Variants in BOC observed in about 807,000 individuals in gnomAD.
BOC encodes the protein BOC cell adhesion associated, oncogene regulated.
Under a neutral mutation model 112.0 loss-of-function variants are expected in BOC, and 76 were observed. The observed-to-expected ratio is 0.68, with a 90% CI of 0.56 to 0.82. The LOEUF (loss-of-function observed/expected upper bound fraction) is 0.82, where lower values mean the gene tolerates loss of function less well. Among genes scored for constraint, BOC ranks in the 40% least tolerant of loss-of-function variants. The pLI is 0.00. For missense variants in BOC, 1,309 were observed against 1,511.7 expected, an observed-to-expected ratio of 0.87 and a Z score of 2.22; for synonymous variants, 580 against 599.8, an observed-to-expected ratio of 0.97 and a Z score of 0.48.
intron 2 of BOC, among the ~76,000 whole-genome samples, chr3:113,217,544 AGAGATGG>A (rs1939677921): frequency 6.6e-6 from 1 of 151,612 alleles, no homozygotes; most frequent in African/African-American, 2.4e-5. Flanking sequence ...AAAAAGAAAG[AGAGATGG>A]GAGATGGGAG....
intron 4 of BOC, among the ~76,000 whole-genome samples, chr3:113,263,429 T>A (rs528730394): frequency 6.6e-6 from 1 of 152,230 alleles, no homozygotes; most frequent in Admixed American, 6.5e-5. Context: ...TATTGGTAAC[T>A]CCATGAAGCA....
intron 4 of BOC, among the ~76,000 whole-genome samples, chr3:113,254,978 C>T (rs1351581592): frequency 6.6e-6 from 1 of 152,178 alleles, no homozygotes; most frequent in South Asian, 2.1e-4. Context: ...AAGAGTCTCA[C>T]CTGCACTCTC....
rs147067616 is a variant in BOC at position 113,283,497 on chromosome 3, C to T, written c.2521C>T (p.Pro841Ser). 7.2e-4 allele frequency: 1,160 copies of T among 1,614,102 alleles called. 5 individuals are homozygous for T. Among genetic ancestry groups the T allele is most frequent in the Non-Finnish European group, 4.7e-4 (553 of 1,180,018 alleles). ...GCCCCTTCCTGAAACCATAGAGCGG[C>T]CGGTGGGCACTGGGGCCATGGTGGC... ...QPPLPETIER[P>S]VGTGAMVARS... Residue 841 changes from proline (P) to serine (S), a missense_variant, in exon 16 of 20, where the codon CCG becomes TCG. Physicochemically the swap from Pro to Ser is moderately conservative, Grantham distance 74. Transcript: ENST00000682979.
In BOC at chr3:113,283,455, C is replaced by G; in HGVS notation, c.2479C>G (p.Leu827Val). Residue 827 changes from leucine (L) to valine (V), a missense_variant, in exon 16 of 20, where the codon CTG (leucine) becomes GTG (valine). Leu to Val is a conservative substitution (Grantham distance 32). Transcript: ENST00000682979. The part of the protein sequence containing the change: ...GQPGRLPPPT[L>V]APPQPPLPET... ...GCCTGGTCGACTGCCACCCCCAACT[C>G]TGGCCCCACCACAGCCGCCCCTTCC... is the stretch of plus-strand genomic sequence containing the variant. The G allele has an allele frequency of 6.2e-7, 1 of 1,613,266 alleles. No individual in the cohort carries two copies. The highest frequency in any genetic ancestry group is 8.5e-7 in the Non-Finnish European group (1 of 1,179,268).
chr3:113,214,554 T>G (rs959036493), intron 1 of BOC, among the ~76,000 whole-genome samples: 5 of 152,202 alleles, frequency 3.3e-5, no homozygotes, highest in African/African-American at 4.8e-5. Context: ...ACCAAATAAT[T>G]GCTATCCAAT....
At position 113,286,857 on chromosome 3, in the gene BOC, A is replaced by G. The variant is rs760549801; in HGVS notation, c.3343A>G (p.Ile1115Val). Reference protein sequence around the residue: ...RVSFETPPLTI With the variant: ...RVSFETPPLTV Reference sequence around the variant, plus strand: ...GTCTTTTGAAACACCACCTCTCACAATTTAGGCAGAAGCTGATATCCCAGA... The same window carrying G: ...GTCTTTTGAAACACCACCTCTCACAGTTTAGGCAGAAGCTGATATCCCAGA... Residue 1115 changes from isoleucine to valine, a missense_variant, in exon 20 of 20, where the codon ATT becomes GTT. Physicochemically the swap from Ile to Val is conservative, Grantham distance 29. Coordinates refer to ENST00000682979, the MANE Select transcript of BOC (RefSeq NM_001378074.1). The G allele has an allele frequency of 3.2e-6, 5 of 1,578,082 alleles. No homozygotes were observed. In the East Asian group the frequency reaches 1.1e-4, roughly 36 times the overall value.
intron 2 of BOC, among the ~76,000 whole-genome samples, chr3:113,228,722 A>G (rs954176637): frequency 6.6e-6 from 1 of 152,138 alleles, no homozygotes; most frequent in Admixed American, 6.5e-5. Flanking sequence ...CCTCTGGGTC[A>G]GGGCTGGGTG....
chr3:113,281,299 ACT>A, intron 15 of BOC, 146 bp downstream of exon 15: 1 of 989,386 alleles, frequency 1.0e-6, no homozygotes. Flanking sequence ...GTCATGTTTC[ACT>A]CTCTACTCAT....
chr3:113,280,502 C>A, intron 13 of BOC, 56 bp from the exon 14 acceptor site: 2 of 1,303,934 alleles, frequency 1.5e-6, no homozygotes, highest in Non-Finnish European at 2.2e-6. Context: ...AGTGGTTTTG[C>A]TTTGATGATG....
intron 1 of BOC, among the ~76,000 whole-genome samples, chr3:113,213,371 T>G (rs1025279939): frequency 6.6e-6 from 1 of 152,240 alleles, no homozygotes; most frequent in Non-Finnish European, 1.5e-5. Context: ...GACCATTGGA[T>G]GAATGTCATT....
chr3:113,275,919 C>T (rs1948616080), intron 9 of BOC, among the ~76,000 whole-genome samples: 1 of 152,170 alleles, frequency 6.6e-6, no homozygotes, highest in African/African-American at 2.4e-5. Context: ...GGCAGAGCAC[C>T]CCCTATGCTC....
rs9822391 is a variant in BOC, at chr3:113,216,266, G to A, written c.-90G>A. On this transcript the variant is annotated 5_prime_UTR_variant, in exon 2 of 20. Transcript: ENST00000682979. Reference sequence around the variant, plus strand: ...ACCGTCTGAGGGTAGCAGCTCGAAAGTAGAAGAAGTGGGTGAGGTTTTCTC... The same window carrying A: ...ACCGTCTGAGGGTAGCAGCTCGAAAATAGAAGAAGTGGGTGAGGTTTTCTC... 2.2e-6 allele frequency: 1 copy of A among 456,050 alleles called. No individual in the cohort carries two copies. Among genetic ancestry groups the A allele is most frequent in the Admixed American group, 2.4e-5 (1 of 42,450 alleles). The allele number at this position is 456,050 out of a possible 1,614,324, so 28.3% of individuals were successfully genotyped here.
At chr3:113,262,992 G>A (rs539382027) in intron 4 of BOC, among the ~76,000 whole-genome samples, 3 of 152,290 alleles carry the variant, frequency 2.0e-5, no homozygotes, top group South Asian at 4.2e-4. Flanking sequence ...CCTGCACCTC[G>A]GGTGTCTCTC....
intron 9 of BOC, among the ~76,000 whole-genome samples, 196 bp from the exon 10 acceptor site, chr3:113,277,899 C>T (rs1948813699): frequency 6.6e-6 from 1 of 152,258 alleles, no homozygotes; most frequent in Admixed American, 6.5e-5. Context: ...GGGAGCCTGA[C>T]TTGAATGTCC....
chr3:113,215,476 C>G (rs1483505688), intron 1 of BOC, among the ~76,000 whole-genome samples: 1 of 152,172 alleles, frequency 6.6e-6, no homozygotes, highest in African/African-American at 2.4e-5. Flanking sequence ...CTACTGCCAC[C>G]CAGTTAGACA....
chr3:113,240,989 G>C (rs766612201), intron 2 of BOC, among the ~76,000 whole-genome samples: 2 of 152,240 alleles, frequency 1.3e-5, no homozygotes, highest in African/African-American at 4.8e-5. Context: ...GCCAGAGCCA[G>C]ATGAACCAGA....
At chr3:113,225,338 A>G (rs1941490568) in intron 2 of BOC, among the ~76,000 whole-genome samples, 2 of 152,170 alleles carry the variant, frequency 1.3e-5, no homozygotes, top group South Asian at 4.1e-4. Flanking sequence ...GAGGCCAGCC[A>G]GTACTTTCTC....
At chr3:113,261,297 A>G (rs551676435) in intron 4 of BOC, among the ~76,000 whole-genome samples, 2 of 152,194 alleles carry the variant, frequency 1.3e-5, no homozygotes, top group Admixed American at 6.5e-5. Flanking sequence ...ACTCACATTA[A>G]TTTTCCCACT....
intron 4 of BOC, among the ~76,000 whole-genome samples, chr3:113,267,705 G>A (rs1241253762): frequency 6.6e-6 from 1 of 152,200 alleles, no homozygotes; most frequent in Non-Finnish European, 1.5e-5. Flanking sequence ...TGTCATCGTG[G>A]ATGCCTAAGG....
Sources: allele counts gnomAD v4.1 joint callset (sites outside exome capture counted in the v4.1 genomes callset), GRCh38; gene constraint gnomAD v4.1.1; transcripts MANE v1.5; gene names NCBI Gene and HGNC (gene_info 2026-07-23, HGNC 2026-07-21).